Variants in CRTC3 observed in about 807,000 individuals in gnomAD.
The protein encoded by CRTC3 is CREB regulated transcription coactivator 3.
CRTC3 carries 26 observed loss-of-function variants against 74.5 expected under a neutral mutation model. The ratio of observed to expected loss-of-function variants is 0.35; its 90% CI spans 0.26 to 0.48. The LOEUF is 0.48. CRTC3 is among the 20% of genes least tolerant of loss of function. CRTC3 has a pLI of 0.99. For synonymous variants in CRTC3, 377 were observed against 325.8 expected, an observed-to-expected ratio of 1.16 and a Z score of -1.69; for missense variants, 760 against 787.3, an observed-to-expected ratio of 0.97 and a Z score of 0.41.
At chr15:90,598,408 C>T (rs1382781570) in intron 3 of CRTC3, 1 of 702,882 alleles carries the variant, frequency 1.4e-6, no homozygotes, top group East Asian at 2.7e-5. Flanking sequence ...GCTCCCCTTC[C>T]TTTGGTGAAG....
At chr15:90,559,996 C>A (rs991443126) in intron 2 of CRTC3, among the ~76,000 whole-genome samples, 12 of 152,208 alleles carry the variant, frequency 7.9e-5, no homozygotes, top group Non-Finnish European at 1.6e-4. Context: ...ATTTCCTGTT[C>A]ATAACCTTTT....
At chr15:90,607,977 G>A (rs1405722136) in intron 6 of CRTC3, among the ~76,000 whole-genome samples, 1 of 152,162 alleles carries the variant, frequency 6.6e-6, no homozygotes, top group Non-Finnish European at 1.5e-5. Flanking sequence ...GCATGAGGCT[G>A]ACTCCCCCTG....
Position 90,626,611 on chromosome 15 carries a change from C to CTTTTTTTT in CRTC3, c.967+629_967+636dup, listed in dbSNP as rs922457681. 7.4e-3 allele frequency among the ~76,000 whole-genome samples: 981 copies of CTTTTTTTT among 133,304 alleles called. 37 individuals are homozygous for CTTTTTTTT. Among genetic ancestry groups the CTTTTTTTT allele is most frequent in the African/African-American group, 0.027 (921 of 34,070 alleles). The allele number at this position is 133,304 out of a possible 152,430, so 87.5% of individuals were successfully genotyped here. ...GACTACATTTGTTTGAAGCCTGACA[C>CTTTTTTTT]TTTTTTTTTTTTTTTTTTGAGATGG... On this transcript the variant is annotated intron_variant, in intron 10 of 14. Coordinates refer to ENST00000268184, the MANE Select transcript of CRTC3 (RefSeq NM_022769.5).
chr15:90,619,620 T>C (rs1390538934), intron 8 of CRTC3, 121 bp from the exon 9 acceptor site: 9 of 772,264 alleles, frequency 1.2e-5, no homozygotes, highest in East Asian at 5.0e-5. Context: ...GTGAGGACTC[T>C]GTCGACACGC....
chr15:90,584,186 A>C (rs981659229), intron 2 of CRTC3, among the ~76,000 whole-genome samples: 4 of 151,476 alleles, frequency 2.6e-5, no homozygotes, highest in Admixed American at 1.3e-4. Context: ...TGCAAGCTTC[A>C]GGAACCTGCC....
chr15:90,599,100 T>C (rs1190446539), intron 3 of CRTC3: 1 of 152,176 alleles, frequency 6.6e-6, no homozygotes, highest in Non-Finnish European at 1.5e-5. Context: ...CACAGAGGGA[T>C]AAGAAAAGAT....
intron 9 of CRTC3, among the ~76,000 whole-genome samples, chr15:90,622,392 G>T (rs374305027): frequency 6.6e-6 from 1 of 152,056 alleles, no homozygotes; most frequent in Non-Finnish European, 1.5e-5. Context: ...TCTCCCTGCC[G>T]CGCCCCTGCT....
At chr15:90,607,338 A>G in intron 5 of CRTC3, 40 bp from the exon 6 acceptor site, 1 of 1,249,806 alleles carries the variant, frequency 8.0e-7, no homozygotes, top group Non-Finnish European at 1.2e-6. Flanking sequence ...TTCACTAAGG[A>G]AAACGGATTT....
chr15:90,611,840 A>G (rs986635835), intron 6 of CRTC3, among the ~76,000 whole-genome samples: 2 of 152,116 alleles, frequency 1.3e-5, no homozygotes, highest in Non-Finnish European at 2.9e-5. Context: ...ACTCTGCTGC[A>G]AGAGCAGTCT....
chr15:90,593,861 A>C (rs115341509), intron 3 of CRTC3, 106 bp downstream of exon 3: 3 of 1,204,898 alleles, frequency 2.5e-6, no homozygotes, highest in Non-Finnish European at 3.4e-6. Flanking sequence ...ATCTTCATTT[A>C]TCTGATGAAA....
At chr15:90,564,241 A>T (rs372079312) in intron 2 of CRTC3, among the ~76,000 whole-genome samples, 2 of 152,222 alleles carry the variant, frequency 1.3e-5, no homozygotes, top group Non-Finnish European at 2.9e-5. Flanking sequence ...GAATTACTAA[A>T]ACAGAACTAT....
At chr15:90,641,058 G>C in intron 13 of CRTC3, 39 bp from the exon 14 acceptor site, 1 of 1,332,930 alleles carries the variant, frequency 7.5e-7, no homozygotes, top group Non-Finnish European at 1.1e-6. Context: ...CTTGGAAACA[G>C]AGGTGTGGCC....
At chr15:90,539,931 A>G (rs1331569137) in intron 1 of CRTC3, 108 bp from the exon 2 acceptor site, 6 of 790,106 alleles carry the variant, frequency 7.6e-6, no homozygotes, top group Non-Finnish European at 1.3e-5. Context: ...GAAGAAATTG[A>G]AACAAGACTT....
At chr15:90,629,582 T>C in intron 11 of CRTC3, 50 bp downstream of exon 11, 4 of 1,578,476 alleles carry the variant, frequency 2.5e-6, no homozygotes, top group Non-Finnish European at 3.5e-6. Context: ...GACTGCAAGA[T>C]ATAGGAAGTG....
Position 90,607,381 on chromosome 15 carries a change from C to T in CRTC3, c.480C>T (p.Thr160=). ...GCCTCTCTCCTCCCCTCCTTAGGAC[C>T]AATTCTGATTCTGCTCTTCACACGA... ...GFRLTSALNR[T]NSDSALHTSA... Residue 160 remains threonine (T), a synonymous_variant, in exon 6 of 15, where the codon ACC becomes ACT. Coordinates refer to ENST00000268184, the MANE Select transcript of CRTC3 (RefSeq NM_022769.5). 4 of 1,608,108 alleles carry T rather than the reference C, an allele frequency of 2.5e-6. No individual in the cohort carries two copies. The East Asian group carries it at 9.0e-5, about 36-fold the overall frequency.
At chr15:90,593,284 A>C (rs1330635560) in intron 2 of CRTC3, among the ~76,000 whole-genome samples, 1 of 152,182 alleles carries the variant, frequency 6.6e-6, no homozygotes, top group Non-Finnish European at 1.5e-5. Flanking sequence ...GTGGCTTGCC[A>C]GTTTCTTTCT....
intron 1 of CRTC3, among the ~76,000 whole-genome samples, chr15:90,533,012 G>A (rs12594693): frequency 1.4e-5 from 2 of 143,828 alleles, no homozygotes; most frequent in Non-Finnish European, 3.0e-5. Context: ...TCGAACCCAG[G>A]AGGTGGAGGT....
chr15:90,550,872 C>G (rs1596076932), intron 2 of CRTC3, among the ~76,000 whole-genome samples: 1 of 152,120 alleles, frequency 6.6e-6, no homozygotes, highest in East Asian at 1.9e-4. Context: ...TCTGCCTGTC[C>G]TGTTGCCCAG....
At position 90,588,382 on chromosome 15, in the gene CRTC3, TTTATTTTTCACTCATATTAC is replaced by T. The variant is rs1205022428; in HGVS notation, c.232-5251_232-5232del. Among the ~76,000 whole-genome samples the T allele has an allele frequency of 5.2e-3, 787 of 152,222 alleles. 4 individuals carry two copies. The highest frequency in any genetic ancestry group is 0.018 in the African/African-American group (760 of 41,538). ...CAAAAACTCAGACTCTCAACAAACA[TTTATTTTTCACTCATATTAC>T]TTGTCCGTGGTGCTGGAATACCTTC... On this transcript the variant is annotated intron_variant, in intron 2 of 14. Transcript: ENST00000268184.
Sources: allele counts gnomAD v4.1 joint callset (sites outside exome capture counted in the v4.1 genomes callset), GRCh38; gene constraint gnomAD v4.1.1; transcripts MANE v1.5; gene names NCBI Gene and HGNC (gene_info 2026-07-23, HGNC 2026-07-21).